The following NME7 variants were observed in gnomAD, a reference collection of about 807,000 sequenced individuals.
NME7 encodes nucleoside diphosphate kinase 7.
A neutral mutation model predicts 49.1 loss-of-function variants in NME7; 41 were observed. The observed-to-expected ratio is 0.83, with a 90% CI of 0.65 to 1.08. The LOEUF (loss-of-function observed/expected upper bound fraction) is 1.08, where lower values mean the gene tolerates loss of function less well. Among genes scored for constraint, NME7 ranks in the 50% least tolerant of loss-of-function variants. The probability of loss-of-function intolerance (pLI) is 0.00; values close to 1 mark genes in which losing one functional copy is unlikely to be tolerated. For missense variants in NME7, 423 were observed against 463.4 expected, an observed-to-expected ratio of 0.91 and a Z score of 0.80; for synonymous variants, 139 against 150.6, an observed-to-expected ratio of 0.92 and a Z score of 0.56.
At chr1:169,156,610 C>T (rs1659083962) in intron 11 of NME7, among the ~76,000 whole-genome samples, 1 of 152,126 alleles carries the variant, frequency 6.6e-6, no homozygotes, top group Non-Finnish European at 1.5e-5. Context: ...ATATTAAATA[C>T]AGTTCTTAAG....
intron 10 of NME7, among the ~76,000 whole-genome samples, chr1:169,228,925 A>T (rs1251026467): frequency 6.6e-6 from 1 of 152,140 alleles, no homozygotes; most frequent in African/African-American, 2.4e-5. Flanking sequence ...TGTGTTATTT[A>T]AGTATCTATT....
chr1:169,303,784 T>C (rs1376284699), intron 4 of NME7, among the ~76,000 whole-genome samples: 3 of 152,122 alleles, frequency 2.0e-5, no homozygotes, highest in African/African-American at 7.2e-5. Context: ...TCCTGAACGT[T>C]CTAGAAACAA....
chr1:169,346,277 C>G (rs1308334004), intron 1 of NME7, among the ~76,000 whole-genome samples: 1 of 152,146 alleles, frequency 6.6e-6, no homozygotes, highest in African/African-American at 2.4e-5. Context: ...AACCCACTTT[C>G]AATAGCCCAC....
intron 7 of NME7, among the ~76,000 whole-genome samples, chr1:169,253,945 T>G (rs1479644554): frequency 6.6e-6 from 1 of 150,428 alleles, no homozygotes; most frequent in Non-Finnish European, 1.5e-5. Flanking sequence ...CTTTTTGATG[T>G]GCTGCTGGAT....
intron 10 of NME7, among the ~76,000 whole-genome samples, chr1:169,202,482 AATTACCCAGTC>A (rs1229108061): frequency 1.3e-5 from 2 of 152,160 alleles, no homozygotes; most frequent in Non-Finnish European, 1.5e-5. Flanking sequence ...CTTATTTATA[AATTACCCAGTC>A]TCACGTATTT....
At chr1:169,153,060 A>G (rs1658956366) in intron 11 of NME7, among the ~76,000 whole-genome samples, 1 of 152,134 alleles carries the variant, frequency 6.6e-6, no homozygotes, top group African/African-American at 2.4e-5. Flanking sequence ...TTTGCTGTAT[A>G]GAAACACTGG....
At chr1:169,170,304 G>T (rs1468783289) in intron 10 of NME7, among the ~76,000 whole-genome samples, 1 of 152,096 alleles carries the variant, frequency 6.6e-6, no homozygotes, top group East Asian at 1.9e-4. Flanking sequence ...AGATTGAGAG[G>T]CCAAGGTCGT....
Position 169,258,405 on chromosome 1 carries a change from T to TATATATAC in NME7, c.755-20719_755-20718insGTATATAT, listed in dbSNP as rs1422519342. Among the ~76,000 whole-genome samples, 380 of 68,668 alleles carry TATATATAC rather than the reference T, an allele frequency of 5.5e-3. 4 individuals carry two copies. The highest frequency in any genetic ancestry group is 0.019 in the African/African-American group (360 of 18,932). 45.0% of individuals were successfully genotyped at this position (68,668 alleles called of 152,430 possible). A position where few individuals can be genotyped will look rare whatever the true frequency, so the allele number is the denominator to read the frequency against. On this transcript the variant is annotated intron_variant, in intron 7 of 11. Coordinates refer to ENST00000367811, the MANE Select transcript of NME7 (RefSeq NM_013330.5). ...ATATATATATATATATATATATATATACACACACACACACACACATACACA... is the reference window on the plus strand; with the variant it reads ...ATATATATATATATATATATATATATATATATACACACACACACACACACACATACACA...
intron 7 of NME7, among the ~76,000 whole-genome samples, chr1:169,272,915 A>G (rs1649540718): frequency 7.5e-6 from 1 of 133,468 alleles, no homozygotes; most frequent in Non-Finnish European, 1.8e-5. Context: ...TCCCAGTAAC[A>G]GTGTAAAAGT....
chr1:169,254,411 C>T (rs945636552), intron 7 of NME7, among the ~76,000 whole-genome samples: 11 of 151,990 alleles, frequency 7.2e-5, no homozygotes, highest in Admixed American at 2.0e-4. Flanking sequence ...GTGGTGATAT[C>T]CCCTTTATCA....
In NME7 at chr1:169,275,130, T is replaced by G. The variant is rs1291663964; in HGVS notation, c.754+12173A>C. Among the ~76,000 whole-genome samples the G allele has an allele frequency of 6.0e-5, 8 of 132,378 alleles. 2 individuals carry two copies. Among genetic ancestry groups the G allele is most frequent in the Non-Finnish European group, 1.4e-4 (8 of 56,672 alleles). The allele number at this position is 132,378 out of a possible 152,430, so 86.8% of individuals were successfully genotyped here. On this transcript the variant is annotated intron_variant, in intron 7 of 11. Transcript: ENST00000367811. ...AATGTTCTTCCACTTGTTTGTATCCTCTTTTATTTCACTGAGCAATGGTTT... is the reference window on the plus strand; with the variant it reads ...AATGTTCTTCCACTTGTTTGTATCCGCTTTTATTTCACTGAGCAATGGTTT...
rs1209836624 is a variant in NME7 at position 169,258,401 on chromosome 1, T to TACACAC, written c.755-20715_755-20714insGTGTGT. Among the ~76,000 whole-genome samples, 52 of 68,522 alleles carry TACACAC rather than the reference T, an allele frequency of 7.6e-4. 2 individuals carry two copies. Among genetic ancestry groups the TACACAC allele is most frequent in the African/African-American group, 2.4e-3 (44 of 18,116 alleles). 45.0% of individuals were successfully genotyped at this position (68,522 alleles called of 152,430 possible). On this transcript the variant is annotated intron_variant, in intron 7 of 11. Transcript: ENST00000367811. ...ATATATATATATATATATATATATA[T>TACACAC]ATATACACACACACACACACACATA...
intron 7 of NME7, among the ~76,000 whole-genome samples, chr1:169,240,328 T>A (rs1000168067): frequency 6.6e-5 from 10 of 152,014 alleles, no homozygotes; most frequent in East Asian, 5.8e-4. Context: ...TTACATTTTT[T>A]AAAAATCTCT....
chr1:169,167,099 T>C (rs1659437202), intron 11 of NME7, among the ~76,000 whole-genome samples: 1 of 152,086 alleles, frequency 6.6e-6, no homozygotes, highest in African/African-American at 2.4e-5. Flanking sequence ...TGGAATAAAA[T>C]AGGAAGTTCA....
At chr1:169,206,196 G>A (rs910055283) in intron 10 of NME7, among the ~76,000 whole-genome samples, 5 of 151,968 alleles carry the variant, frequency 3.3e-5, no homozygotes, top group African/African-American at 1.2e-4. Context: ...CAACTAGAAC[G>A]TCCTCTGTGA....
At chr1:169,141,089 T>C (rs1293097239) in intron 11 of NME7, among the ~76,000 whole-genome samples, 1 of 152,132 alleles carries the variant, frequency 6.6e-6, no homozygotes, top group Non-Finnish European at 1.5e-5. Context: ...CAAACTGAAA[T>C]TAGAAATGCA....
chr1:169,253,049 T>G (rs899589761), intron 7 of NME7, among the ~76,000 whole-genome samples: 65 of 151,786 alleles, frequency 4.3e-4, no homozygotes, highest in African/African-American at 1.5e-3. Flanking sequence ...ATGCGGGCTC[T>G]TTTTTGGTTC....
chr1:169,229,506 G>T (rs1036284253), intron 10 of NME7, among the ~76,000 whole-genome samples: 1 of 152,136 alleles, frequency 6.6e-6, no homozygotes, highest in Non-Finnish European at 1.5e-5. Context: ...ATCCTTATTT[G>T]CATGTGGCAC....
At chr1:169,328,758 T>TAAAAAA (rs1394185624) in intron 1 of NME7, among the ~76,000 whole-genome samples, 7 of 152,198 alleles carry the variant, frequency 4.6e-5, no homozygotes, top group Non-Finnish European at 8.8e-5. Flanking sequence ...TTTTTGTCAA[T>TAAAAAA]AAAAATTTTA....
Sources: gnomAD v4.1 joint callset for allele counts (sites outside exome capture counted in the v4.1 genomes callset) on GRCh38, gnomAD v4.1.1 for gene constraint, MANE v1.5 for transcripts, NCBI Gene and HGNC (gene_info 2026-07-23, HGNC 2026-07-21) for gene names.